The following NCKAP5 variants were observed in gnomAD, a reference collection of about 807,000 sequenced individuals.
NCKAP5 encodes NCK associated protein 5, also known as nck-associated protein 5.
NCKAP5 carries 92 observed loss-of-function variants against 167.0 expected under a neutral mutation model. The ratio of observed to expected loss-of-function variants is 0.55; its 90% CI spans 0.47 to 0.66. NCKAP5 has a LOEUF of 0.66. Ranked by LOEUF, NCKAP5 falls within the 30% of genes least tolerant of loss-of-function variation. NCKAP5 has a pLI of 0.00. For synonymous variants in NCKAP5, 891 were observed against 877.4 expected (o/e 1.02, Z -0.27); for missense variants, 2,378 against 2,315.0 (o/e 1.03, Z -0.56).
At chr2:133,673,528 C>A in the NCKAP5 span, among the ~76,000 whole-genome samples, 1 of 152,214 alleles carries the variant, frequency 6.6e-6, no homozygotes, top group Admixed American at 6.5e-5. Context: ...GAGGTGGACT[C>A]TTCCCAGCAG....
At chr2:132,771,537 G>A (rs1682047408) in intron 16 of NCKAP5, among the ~76,000 whole-genome samples, 1 of 152,140 alleles carries the variant, frequency 6.6e-6, no homozygotes, top group South Asian at 2.1e-4. Flanking sequence ...AGTGTACAGT[G>A]TTTATGAATT....
intron 6 of NCKAP5, among the ~76,000 whole-genome samples, chr2:133,073,217 C>T (rs1437904): frequency 0.37 from 56,569 of 151,408 alleles, 11,257 homozygotes; most frequent in East Asian, 0.59. Flanking sequence ...CTAGAGTAGA[C>T]AGGGAAATCT....
chr2:132,860,401 G>C (rs1415261552), intron 11 of NCKAP5, 91 bp downstream of exon 11: 4 of 1,382,042 alleles, frequency 2.9e-6, no homozygotes, highest in Non-Finnish European at 2.9e-6. Flanking sequence ...AATATGCCTT[G>C]CTCATGAAGA....
chr2:133,260,753 A>T (rs935078494), intron 4 of NCKAP5, among the ~76,000 whole-genome samples: 1 of 152,238 alleles, frequency 6.6e-6, no homozygotes, highest in African/African-American at 2.4e-5. Context: ...ACTAAGAGGA[A>T]AAACAAAAGT....
intron 5 of NCKAP5, among the ~76,000 whole-genome samples, chr2:133,196,267 A>C (rs577991909): frequency 6.4e-4 from 97 of 152,262 alleles, no homozygotes; most frequent in Non-Finnish European, 1.0e-3. Flanking sequence ...GAAAGCTAAG[A>C]GCAGGGAACA....
chr2:133,235,670 G>A (rs114713840), intron 4 of NCKAP5, among the ~76,000 whole-genome samples: 4,199 of 152,098 alleles, frequency 0.028, 178 homozygotes, highest in African/African-American at 0.095. Context: ...TTGGGAGGCC[G>A]AGGTGGCATG....
At chr2:132,791,198 A>T (rs1684039633) in intron 12 of NCKAP5, among the ~76,000 whole-genome samples, 1 of 152,230 alleles carries the variant, frequency 6.6e-6, no homozygotes, top group Admixed American at 6.5e-5. Context: ...CCACAACCAG[A>T]TGCCCATTGC....
chr2:133,137,767 C>T (rs1355302655), intron 5 of NCKAP5, among the ~76,000 whole-genome samples: 3 of 152,120 alleles, frequency 2.0e-5, no homozygotes, highest in East Asian at 1.9e-4. Context: ...TTAGGAATAC[C>T]GCTCAAAATC....
intron 4 of NCKAP5, among the ~76,000 whole-genome samples, chr2:133,296,868 A>C (rs139285224): frequency 4.1e-4 from 62 of 152,314 alleles, no homozygotes; most frequent in Middle Eastern, 3.4e-3. Context: ...TGTGGCTTGA[A>C]AGTAATTTCA....
intron 5 of NCKAP5, among the ~76,000 whole-genome samples, chr2:133,178,768 T>C (rs2084593027): frequency 7.5e-6 from 1 of 132,792 alleles, no homozygotes; most frequent in Non-Finnish European, 1.5e-5. Context: ...GAGCTTGCAG[T>C]GAGCCGAGAT....
chr2:133,130,046 C>A lies in NCKAP5; in HGVS notation c.273G>T (p.Leu91Phe), dbSNP rs779756980. The change falls in exon 6 of 20, where the codon TTG becomes TTT. Residue 91 changes from leucine (L) to phenylalanine (F), a missense_variant. Around this residue, in one of 3 missense-constraint regions of NCKAP5, gnomAD observed 1,049 missense variants for 1,023.4 expected, o/e 1.02. Transcript: ENST00000409261. ...RHLRLQSEKR[L>F]QEVTLESERN... ...GTTCAGACTCTAGGGTCACCTCCTG[C>A]AACCGCTTCTCGCTTTGAAGACGTA... 1 of 1,611,914 alleles carries A rather than the reference C, an allele frequency of 6.2e-7. No individual in the cohort carries two copies. The highest frequency in any genetic ancestry group is 1.7e-5 in the Admixed American group (1 of 59,570).
intron 13 of NCKAP5, among the ~76,000 whole-genome samples, chr2:132,786,645 AGAAATG>A (rs1175233229): frequency 2.0e-5 from 3 of 152,164 alleles, no homozygotes; most frequent in African/African-American, 7.2e-5. Flanking sequence ...ATTGCTAATA[AGAAATG>A]GAAGGGGGAA....
At chr2:133,657,398 C>T in the NCKAP5 span, among the ~76,000 whole-genome samples, 3 of 152,186 alleles carry the variant, frequency 2.0e-5, no homozygotes, top group African/African-American at 4.8e-5. Flanking sequence ...CAGTTACTGT[C>T]CAAGATGAAA....
At chr2:132,735,733 A>G (rs1221243614) in intron 16 of NCKAP5, among the ~76,000 whole-genome samples, 5 of 152,222 alleles carry the variant, frequency 3.3e-5, no homozygotes, top group Non-Finnish European at 5.9e-5. Context: ...CAAAAACCGA[A>G]GTAAGAATCT....
At chr2:132,949,417 C>A (rs1286165359) in intron 8 of NCKAP5, among the ~76,000 whole-genome samples, 1 of 152,144 alleles carries the variant, frequency 6.6e-6, no homozygotes, top group Admixed American at 6.5e-5. Flanking sequence ...GCCCCTGTGC[C>A]CCAGAGCCTG....
intron 4 of NCKAP5, among the ~76,000 whole-genome samples, chr2:133,232,879 A>G (rs1446656162): frequency 1.3e-5 from 2 of 152,224 alleles, no homozygotes. Context: ...ATAAGAATAT[A>G]CCTCAATGGC....
At chr2:133,672,018 T>C in the NCKAP5 span, among the ~76,000 whole-genome samples, 9 of 152,144 alleles carry the variant, frequency 5.9e-5, no homozygotes, top group East Asian at 9.6e-4. Flanking sequence ...AACAAATAAA[T>C]AAACACGATA....
chr2:132,816,373 G>A (rs947858111), intron 11 of NCKAP5, among the ~76,000 whole-genome samples: 5 of 152,098 alleles, frequency 3.3e-5, no homozygotes, highest in African/African-American at 1.2e-4. Context: ...TGCTTCAGTA[G>A]GTTCGTTTTG....
intron 19 of NCKAP5, among the ~76,000 whole-genome samples, chr2:132,705,561 G>A (rs777098722): frequency 2.6e-5 from 4 of 152,048 alleles, no homozygotes; most frequent in East Asian, 3.9e-4. Context: ...CATAATCTAC[G>A]TTTAAAAGTC....
Sources: allele counts gnomAD v4.1 joint callset (sites outside exome capture counted in the v4.1 genomes callset), GRCh38; gene constraint gnomAD v4.1.1; regional missense constraint gnomAD v4.1.1; transcripts MANE v1.5; gene names NCBI Gene and HGNC (gene_info 2026-07-23, HGNC 2026-07-21).